ALLC: variants seen among roughly 807,000 people sequenced by gnomAD.
The protein encoded by ALLC is probable inactive allantoicase.
A neutral mutation model predicts 45.0 loss-of-function variants in ALLC; 40 were observed. The ratio of observed to expected loss-of-function variants is 0.89; its 90% CI spans 0.69 to 1.16. The LOEUF (loss-of-function observed/expected upper bound fraction) is 1.16. Among genes scored for constraint, ALLC ranks in the 50% most tolerant of loss-of-function variants. The probability of loss-of-function intolerance (pLI) is 0.00; values close to 1 mark genes in which losing one functional copy is unlikely to be tolerated. For synonymous variants in ALLC, 176 were observed against 178.1 expected, an observed-to-expected ratio of 0.99 and a Z score of 0.09; for missense variants, 488 against 493.1, an observed-to-expected ratio of 0.99 and a Z score of 0.10.
chr2:3,648,986 C>T, the ALLC span, among the ~76,000 whole-genome samples: 1 of 152,130 alleles, frequency 6.6e-6, no homozygotes, highest in Non-Finnish European at 1.5e-5. Flanking sequence ...TACTGAGTAC[C>T]TGGCCCCGTA....
chr2:3,660,050 AT>A (rs1448326292), intron 1 of ALLC, among the ~76,000 whole-genome samples: 1 of 152,150 alleles, frequency 6.6e-6, no homozygotes, highest in Non-Finnish European at 1.5e-5. Context: ...CCCAAACCTC[AT>A]GGTGCAATCA....
intron 7 of ALLC, 22 bp from the exon 8 acceptor site, chr2:3,695,691 ATAAC>A (rs2148020243): frequency 6.2e-7 from 1 of 1,613,854 alleles, no homozygotes; most frequent in Non-Finnish European, 8.5e-7. Flanking sequence ...TTTACAAACA[ATAAC>A]TAAGGCACCT....
chr2:3,648,196 T>C, the ALLC span, among the ~76,000 whole-genome samples: 1 of 152,088 alleles, frequency 6.6e-6, no homozygotes, highest in Non-Finnish European at 1.5e-5. Context: ...CTTTTCCATT[T>C]CTCCCCCCAT....
the ALLC span, among the ~76,000 whole-genome samples, chr2:3,651,434 TGTGTGTGTTAGGAA>T: frequency 5.0e-5 from 3 of 60,534 alleles, no homozygotes; most frequent in Non-Finnish European, 3.8e-5. Context: ...TGTGTGTGTG[TGTGTGTGTTAGGAA>T]GGGAGACGAG....
intron 2 of ALLC, 85 bp downstream of exon 2, chr2:3,671,275 GAATCA>G (rs1263757273): frequency 4.1e-6 from 6 of 1,452,054 alleles, no homozygotes; most frequent in Non-Finnish European, 5.7e-6. Context: ...CCTCATGCAA[GAATCA>G]ACAAGAATCA....
In ALLC at chr2:3,668,400, G is replaced by T. The variant is rs138004931; in HGVS notation, c.-62-2696G>T. Among the ~76,000 whole-genome samples, 1,282 of 152,100 alleles carry T rather than the reference G, an allele frequency of 8.4e-3. 5 individuals are homozygous for T. Among genetic ancestry groups the T allele is most frequent in the East Asian group, 0.023 (117 of 5,166 alleles). On this transcript the variant is annotated intron_variant, in intron 1 of 11. Transcript: ENST00000252505. ...CTTTCATTCTGAGTGAACAGGGAAT[G>T]ACTTTTGTTTCTGAAAGCTTGCTCT...
At chr2:3,681,127 G>A (rs1014308929) in intron 5 of ALLC, among the ~76,000 whole-genome samples, 1 of 152,220 alleles carries the variant, frequency 6.6e-6, no homozygotes, top group African/African-American at 2.4e-5. Context: ...CCTGCTCCCT[G>A]AAGATGGCTG....
chr2:3,665,432 A>G (rs1003407330), intron 1 of ALLC, among the ~76,000 whole-genome samples: 9 of 152,106 alleles, frequency 5.9e-5, no homozygotes, highest in African/African-American at 2.4e-5. Flanking sequence ...GTTAATCCCC[A>G]CATGCATTAG....
intron 2 of ALLC, 33 bp from the exon 3 acceptor site, chr2:3,674,042 G>C: frequency 2.1e-6 from 3 of 1,450,174 alleles, no homozygotes; most frequent in Non-Finnish European, 2.8e-6. Flanking sequence ...ATTTATGGTT[G>C]CTTTATCTTT....
the ALLC span, among the ~76,000 whole-genome samples, chr2:3,647,625 G>GTCCTCTCCTGATGCCCCTGGGGGTCA: frequency 3.7e-5 from 2 of 53,808 alleles, no homozygotes; most frequent in East Asian, 1.4e-3. Context: ...CCTGGGGGTC[G>GTCCTCTCCTGATGCCCCTGGGGGTCA]CTCACCCGTC....
chr2:3,658,866 G>A (rs1205727146), intron 1 of ALLC, among the ~76,000 whole-genome samples: 4 of 128,132 alleles, frequency 3.1e-5, no homozygotes, highest in Admixed American at 8.2e-5. Flanking sequence ...GACAGAGTGA[G>A]ACCCTGTCTC....
chr2:3,701,864 C>G (rs191343511), intron 11 of ALLC, among the ~76,000 whole-genome samples: 1 of 152,168 alleles, frequency 6.6e-6, no homozygotes, highest in African/African-American at 2.4e-5. Flanking sequence ...AGAATACATA[C>G]GTGGAAACAT....
At chr2:3,681,519 G>T in intron 5 of ALLC, 115 bp from the exon 6 acceptor site, 1 of 621,776 alleles carries the variant, frequency 1.6e-6, no homozygotes, top group South Asian at 2.6e-5. Context: ...TTGATACTTC[G>T]AAATATCTTT....
the ALLC span, among the ~76,000 whole-genome samples, chr2:3,651,214 G>C: frequency 6.6e-6 from 1 of 151,846 alleles, no homozygotes; most frequent in African/African-American, 2.4e-5. Context: ...AGAGGACGAG[G>C]ACGGCGGCGC....
At chr2:3,660,405 C>T (rs1666543363) in intron 1 of ALLC, among the ~76,000 whole-genome samples, 1 of 152,280 alleles carries the variant, frequency 6.6e-6, no homozygotes, top group Admixed American at 6.5e-5. Context: ...CATTCCTTCA[C>T]AGCGACACAA....
chr2:3,701,793 G>T (rs1034432147), intron 11 of ALLC, among the ~76,000 whole-genome samples, 157 bp downstream of exon 11: 12 of 152,154 alleles, frequency 7.9e-5, no homozygotes, highest in Admixed American at 1.3e-4. Context: ...AAGAAGAAAG[G>T]CTCTATTTCT....
chr2:3,654,794 G>A (rs115204571), upstream of ALLC, among the ~76,000 whole-genome samples: 3,413 of 152,334 alleles, frequency 0.022, 92 homozygotes, highest in African/African-American at 0.069. Flanking sequence ...TTTCCCTGGG[G>A]TCGTGTCACA....
intron 3 of ALLC, among the ~76,000 whole-genome samples, chr2:3,674,326 A>G (rs1321639276): frequency 6.6e-6 from 1 of 152,198 alleles, no homozygotes; most frequent in Non-Finnish European, 1.5e-5. Flanking sequence ...TGAGCAAGTA[A>G]TTTGGGACTG....
the ALLC span, among the ~76,000 whole-genome samples, chr2:3,646,669 G>A: frequency 3.3e-5 from 5 of 152,166 alleles, no homozygotes; most frequent in African/African-American, 1.2e-4. Context: ...CTTCATTGGC[G>A]CAGACTCTGT....
Sources: allele counts gnomAD v4.1 joint callset (sites outside exome capture counted in the v4.1 genomes callset), GRCh38; gene constraint gnomAD v4.1.1; transcripts MANE v1.5; gene names NCBI Gene and HGNC (gene_info 2026-07-23, HGNC 2026-07-21).